PRDM16: variants seen among roughly 807,000 people sequenced by gnomAD.
PRDM16 encodes the protein PR/SET domain 16.
Under a neutral mutation model 110.6 loss-of-function variants are expected in PRDM16, and 23 were observed. That is an observed-to-expected ratio of 0.21 (90% confidence interval 0.15 to 0.29). PRDM16 has a LOEUF of 0.29. PRDM16 is among the 10% of genes least tolerant of loss of function. The pLI, the probability that PRDM16 is intolerant of heterozygous loss-of-function variation, is 1.00. For synonymous variants in PRDM16, 799 were observed against 781.8 expected, an observed-to-expected ratio of 1.02 and a Z score of -0.37; for missense variants, 1,615 against 1,794.3, an observed-to-expected ratio of 0.90 and a Z score of 1.81.
chr1:3,381,345 GGA>G (rs145739022), intron 3 of PRDM16, among the ~76,000 whole-genome samples: 3,841 of 152,066 alleles, frequency 0.025, 136 homozygotes, highest in African/African-American at 0.087. Context: ...GATTTATTGG[GGA>G]GAGCCCCAAG....
chr1:3,095,197 A>G (rs530521885), intron 1 of PRDM16, among the ~76,000 whole-genome samples: 4 of 152,086 alleles, frequency 2.6e-5, no homozygotes, highest in African/African-American at 9.7e-5. Context: ...CACCTCCCCA[A>G]CCGCCAGTCC....
rs1195664333 is a variant in PRDM16, at chr1:3,081,873, C to G, written c.37+12577C>G. Reference sequence around the variant, plus strand: ...TTGCAAAAGCAAGACCCTGCCATCCCTAGCTCCCCTCACAGACCCAGAGGC... The same window carrying G: ...TTGCAAAAGCAAGACCCTGCCATCCGTAGCTCCCCTCACAGACCCAGAGGC... On this transcript the variant is annotated intron_variant, in intron 1 of 16. Transcript: ENST00000270722. This position sits in a 1 kb window ranked among gnomAD's most constrained non-coding sequence, Gnocchi z 4.6. Among the ~76,000 whole-genome samples, 1 of 152,192 alleles carries G rather than the reference C, an allele frequency of 6.6e-6. No individual in the cohort carries two copies. Among genetic ancestry groups the G allele is most frequent in the African/African-American group, 2.4e-5 (1 of 41,468 alleles).
intron 4 of PRDM16, among the ~76,000 whole-genome samples, chr1:3,389,630 G>A (rs1170577497): frequency 1.3e-5 from 2 of 152,216 alleles, no homozygotes; most frequent in African/African-American, 4.8e-5. Context: ...CCCAAAAGGG[G>A]ACTTGTGGTT....
chr1:3,310,792 C>CTG (rs537424717), intron 3 of PRDM16, among the ~76,000 whole-genome samples: 1 of 151,912 alleles, frequency 6.6e-6, no homozygotes, highest in Admixed American at 6.6e-5. Flanking sequence ...GCATGCATGT[C>CTG]TGTGTGTGTG....
intron 2 of PRDM16, among the ~76,000 whole-genome samples, chr1:3,192,362 G>A (rs1031893751): frequency 3.5e-4 from 54 of 152,186 alleles, no homozygotes; most frequent in African/African-American, 1.2e-3. Context: ...ATCCTGGAGA[G>A]ACACTTCCAG....
chr1:3,431,154 G>T, intron 15 of PRDM16, 46 bp downstream of exon 15: 1 of 1,534,348 alleles, frequency 6.5e-7, no homozygotes, highest in Non-Finnish European at 8.8e-7. Context: ...AGGGAACGTG[G>T]GCGTCCATCA....
intron 1 of PRDM16, among the ~76,000 whole-genome samples, chr1:3,079,333 C>T (rs898142214): frequency 1.4e-4 from 21 of 152,096 alleles, no homozygotes; most frequent in African/African-American, 5.1e-4. Flanking sequence ...CTGGCTGGCC[C>T]AGCCCCTGTG....
intron 1 of PRDM16, among the ~76,000 whole-genome samples, chr1:3,104,221 G>A (rs1642595343): frequency 6.6e-6 from 1 of 152,214 alleles, no homozygotes; most frequent in Non-Finnish European, 1.5e-5. Context: ...CCAGCTCCCA[G>A]GCGGCACTGT....
At chr1:3,397,538 C>G (rs943541311) in intron 5 of PRDM16, among the ~76,000 whole-genome samples, 3 of 152,270 alleles carry the variant, frequency 2.0e-5, no homozygotes, top group Non-Finnish European at 4.4e-5. Flanking sequence ...CCTGGCCCGT[C>G]GGCTCCACGC....
chr1:3,416,669 G>C lies in PRDM16; in HGVS notation c.2692-1159G>C, dbSNP rs547703161. On this transcript the variant is annotated intron_variant, in intron 10 of 16. Coordinates refer to ENST00000270722, the MANE Select transcript of PRDM16 (RefSeq NM_022114.4). ...CCTCCCTCCTCATCCCCTTCTCTGGGAGCTCCCAGGGGAGGCAGGCTATGA... is the reference window on the plus strand; with the variant it reads ...CCTCCCTCCTCATCCCCTTCTCTGGCAGCTCCCAGGGGAGGCAGGCTATGA... Among the ~76,000 whole-genome samples, 5 of 152,280 alleles carry C rather than the reference G, an allele frequency of 3.3e-5. No individual in the cohort carries two copies. In the South Asian group the frequency reaches 1.0e-3, roughly 32 times the overall value.
intron 1 of PRDM16, among the ~76,000 whole-genome samples, chr1:3,170,717 G>C (rs1644016010): frequency 6.6e-6 from 1 of 152,128 alleles, no homozygotes; most frequent in Non-Finnish European, 1.5e-5. Flanking sequence ...GGAAGGGAGG[G>C]CCTGCACCCA....
At chr1:3,225,781 T>C (rs944821814) in intron 2 of PRDM16, among the ~76,000 whole-genome samples, 4 of 152,110 alleles carry the variant, frequency 2.6e-5, no homozygotes, top group Non-Finnish European at 4.4e-5. Flanking sequence ...GGGCTCCAAG[T>C]GGGCAATCGG....
Position 3,369,231 on chromosome 1 carries a change from T to G in PRDM16, c.439-15921T>G, listed in dbSNP as rs116093416. The stretch of plus-strand genomic sequence containing the variant: ...ATTGGTTCCATTTGTCATTCAAAAC[T>G]GACTCTGCAGCACCTCTGTCTGTGA... On this transcript the variant is annotated intron_variant, in intron 3 of 16. Transcript: ENST00000270722. 4.5e-3 allele frequency among the ~76,000 whole-genome samples: 686 copies of G among 152,332 alleles called. 5 individuals are homozygous for G. Among genetic ancestry groups the G allele is most frequent in the African/African-American group, 0.016 (647 of 41,586 alleles).
chr1:3,181,668 TCTTACACGC>T (rs1644197177), intron 1 of PRDM16, among the ~76,000 whole-genome samples: 2 of 122,146 alleles, frequency 1.6e-5, no homozygotes, highest in South Asian at 2.7e-4. Flanking sequence ...TCTTACACAG[TCTTACACGC>T]GCAGTCTTAC....
intron 1 of PRDM16, among the ~76,000 whole-genome samples, chr1:3,071,351 G>A (rs919032603): frequency 1.3e-5 from 2 of 152,248 alleles, no homozygotes; most frequent in African/African-American, 4.8e-5. Flanking sequence ...CCAGGAGGCC[G>A]GAGAGCCGGG....
chr1:3,228,973 C>A (rs1175173127), intron 2 of PRDM16, among the ~76,000 whole-genome samples: 1 of 152,248 alleles, frequency 6.6e-6, no homozygotes, highest in African/African-American at 2.4e-5. Flanking sequence ...ACAGCTCTCC[C>A]AGCCCTAAGA....
chr1:3,373,636 G>T (rs1286503598), intron 3 of PRDM16, among the ~76,000 whole-genome samples: 1 of 152,194 alleles, frequency 6.6e-6, no homozygotes, highest in Non-Finnish European at 1.5e-5. Flanking sequence ...CTCCCTGCAG[G>T]CAGGACAGAC....
At chr1:3,317,406 C>T (rs116446238) in intron 3 of PRDM16, among the ~76,000 whole-genome samples, 116 of 152,326 alleles carry the variant, frequency 7.6e-4, no homozygotes, top group African/African-American at 2.6e-3. Context: ...GTCCAGCAGC[C>T]GCTGCACGAT....
intron 3 of PRDM16, among the ~76,000 whole-genome samples, chr1:3,286,004 T>C (rs1350289919): frequency 6.6e-6 from 1 of 152,196 alleles, no homozygotes; most frequent in Non-Finnish European, 1.5e-5. Context: ...AAATTGATCA[T>C]ATTGTGCTGA....
Sources: allele counts gnomAD v4.1 joint callset (sites outside exome capture counted in the v4.1 genomes callset), GRCh38; gene constraint gnomAD v4.1.1; non-coding constraint Gnocchi (gnomAD v3.1); transcripts MANE v1.5; gene names NCBI Gene and HGNC (gene_info 2026-07-23, HGNC 2026-07-21).